Variants in JAKMIP1 observed in about 807,000 individuals in gnomAD.
JAKMIP1 encodes the protein janus kinase and microtubule-interacting protein 1.
Under a neutral mutation model 113.0 loss-of-function variants are expected in JAKMIP1, and 33 were observed. The observed-to-expected ratio is 0.29, with a 90% CI of 0.22 to 0.39. The LOEUF (loss-of-function observed/expected upper bound fraction) is 0.39. Among genes scored for constraint, JAKMIP1 ranks in the 10% least tolerant of loss-of-function variants. The probability of loss-of-function intolerance (pLI) is 1.00; values close to 1 mark genes in which losing one functional copy is unlikely to be tolerated. For missense variants in JAKMIP1, 813 were observed against 1,080.5 expected (o/e 0.75, Z 3.47); for synonymous variants, 480 against 459.9 (o/e 1.04, Z -0.56).
chr4:6,102,647 G>C (rs761403643), intron 3 of JAKMIP1, among the ~76,000 whole-genome samples: 1 of 150,564 alleles, frequency 6.6e-6, no homozygotes, highest in Non-Finnish European at 1.5e-5. Context: ...ACTAAAACAG[G>C]TGTCTTGGGT....
At position 6,086,027 on chromosome 4, in the gene JAKMIP1, A is replaced by G. The variant is rs1358549508; in HGVS notation, c.625-398T>C. ...GACCATGTCTCCCTCTCAGTCATTGACCCTCTCCTGCCTGGCCACAACTCC... is the reference window on the plus strand; with the variant it reads ...GACCATGTCTCCCTCTCAGTCATTGGCCCTCTCCTGCCTGGCCACAACTCC... On this transcript the variant is annotated intron_variant, in intron 3 of 20. Coordinates refer to ENST00000409021, the MANE Select transcript of JAKMIP1 (RefSeq NM_001099433.2). The surrounding 1 kb of genome is among the most constrained non-coding windows in gnomAD (Gnocchi z 4.1). 6.6e-6 allele frequency among the ~76,000 whole-genome samples: 1 copy of G among 151,380 alleles called. No homozygotes were observed. Among genetic ancestry groups the G allele is most frequent in the African/African-American group, 2.4e-5 (1 of 41,122 alleles).
chr4:6,169,133 A>T (rs2109016197), intron 1 of JAKMIP1, among the ~76,000 whole-genome samples: 1 of 152,296 alleles, frequency 6.6e-6, no homozygotes, highest in South Asian at 2.1e-4. Context: ...TAGTACATGA[A>T]TTATATCTCA....
chr4:6,190,751 C>G (rs1396280985), intron 1 of JAKMIP1, among the ~76,000 whole-genome samples: 2 of 152,264 alleles, frequency 1.3e-5, no homozygotes, highest in African/African-American at 2.4e-5. Flanking sequence ...GGAACAAGCA[C>G]ACACACCCAG....
Position 6,121,278 on chromosome 4 carries a change from C to G in JAKMIP1, c.-147-8281G>C, listed in dbSNP as rs148143816. 1.6e-3 allele frequency among the ~76,000 whole-genome samples: 237 copies of G among 151,602 alleles called. 1 individual carries two copies. Among genetic ancestry groups the G allele is most frequent in the African/African-American group, 5.3e-3 (217 of 41,332 alleles). On this transcript the variant is annotated intron_variant, in intron 1 of 20. Transcript: ENST00000409021. ...TCACTGGCATGTGCTGCCAGATTTGCCAACAATGTCCATAGCTTGACCCAG... is the reference window on the plus strand; with the variant it reads ...TCACTGGCATGTGCTGCCAGATTTGGCAACAATGTCCATAGCTTGACCCAG...
chr4:6,093,699 C>G lies in JAKMIP1; in HGVS notation c.625-8070G>C, dbSNP rs1281495650. 1.3e-5 allele frequency among the ~76,000 whole-genome samples: 2 copies of G among 152,292 alleles called. No individual in the cohort carries two copies. Among genetic ancestry groups the G allele is most frequent in the Admixed American group, 1.3e-4 (2 of 15,296 alleles). Reference sequence around the variant, plus strand: ...TTACAATGAATGATGTCCACCTGTACAGGGAGGTGTGGCTGCCGTGCCCTG... The same window carrying G: ...TTACAATGAATGATGTCCACCTGTAGAGGGAGGTGTGGCTGCCGTGCCCTG... On this transcript the variant is annotated intron_variant, in intron 3 of 20. Transcript: ENST00000409021. The surrounding 1 kb of genome is among the most constrained non-coding windows in gnomAD (Gnocchi z 4.6).
intron 1 of JAKMIP1, among the ~76,000 whole-genome samples, chr4:6,160,945 TCTCCCCTGACCTCCACTCAC>T (rs1722837146): frequency 8.6e-6 from 1 of 116,312 alleles, no homozygotes; most frequent in Non-Finnish European, 1.7e-5. Context: ...TCTCCACTTA[TCTCCCCTGACCTCCACTCAC>T]CTCCCTGACC....
intron 1 of JAKMIP1, among the ~76,000 whole-genome samples, chr4:6,160,081 A>G (rs1011739016): frequency 6.6e-6 from 1 of 152,208 alleles, no homozygotes; most frequent in Admixed American, 6.5e-5. Context: ...GAGTTCTTAG[A>G]AAGAGAAGGT....
chr4:6,073,191 T>C (rs975044821), intron 8 of JAKMIP1, among the ~76,000 whole-genome samples: 1 of 150,008 alleles, frequency 6.7e-6, no homozygotes, highest in African/African-American at 2.5e-5. Flanking sequence ...GCCTCAGGGG[T>C]GTCCTTCCCT....
intron 1 of JAKMIP1, among the ~76,000 whole-genome samples, chr4:6,113,468 A>C (rs1360620451): frequency 2.0e-5 from 3 of 152,186 alleles, no homozygotes. Context: ...GCAATTCTGG[A>C]GCAGGGCGTG....
intron 1 of JAKMIP1, among the ~76,000 whole-genome samples, chr4:6,130,647 C>T (rs1270293381): frequency 6.6e-6 from 1 of 151,868 alleles, no homozygotes; most frequent in Non-Finnish European, 1.5e-5. Flanking sequence ...AGACAACATG[C>T]AAAACCAGAT....
At chr4:6,028,946 G>A (rs779266102) in intron 20 of JAKMIP1, among the ~76,000 whole-genome samples, 7 of 152,222 alleles carry the variant, frequency 4.6e-5, no homozygotes, top group Non-Finnish European at 1.0e-4. Flanking sequence ...TGTCTTGAAT[G>A]AAGAGATGCA....
rs77710155 is a variant in JAKMIP1, at chr4:6,088,269, G to A, written c.625-2640C>T. Reference sequence around the variant, plus strand: ...TGATTGAGAGTGATTTGTGCTATGAGGGGGAAAAAAAACAATAACAACATC... The same window carrying A: ...TGATTGAGAGTGATTTGTGCTATGAAGGGGAAAAAAAACAATAACAACATC... On this transcript the variant is annotated intron_variant, in intron 3 of 20. Transcript: ENST00000409021. This position sits in a 1 kb window ranked among gnomAD's most constrained non-coding sequence, Gnocchi z 5.5. Among the ~76,000 whole-genome samples, 6 of 152,076 alleles carry A rather than the reference G, an allele frequency of 3.9e-5. No homozygotes were observed. The highest frequency in any genetic ancestry group is 1.4e-4 in the African/African-American group (6 of 41,398).
At chr4:6,035,599 G>T (rs887512087) in intron 19 of JAKMIP1, among the ~76,000 whole-genome samples, 2 of 152,164 alleles carry the variant, frequency 1.3e-5, no homozygotes, top group African/African-American at 4.8e-5. Context: ...ATGCCTCCCC[G>T]TAACCAGCAT....
Position 6,156,844 on chromosome 4 carries a change from T to C in JAKMIP1, c.-148+43409A>G, listed in dbSNP as rs1722290390. ...GGACATGGTCTGCCCATGATAGGTG[T>C]TGGTCACGTTACAATTGTTCAGTAG... On this transcript the variant is annotated intron_variant, in intron 1 of 20. Transcript: ENST00000409021. The surrounding 1 kb of genome is among the most constrained non-coding windows in gnomAD (Gnocchi z 5.0). Among the ~76,000 whole-genome samples the C allele has an allele frequency of 6.6e-6, 1 of 152,220 alleles. No individual in the cohort carries two copies. Among genetic ancestry groups the C allele is most frequent in the Non-Finnish European group, 1.5e-5 (1 of 68,036 alleles).
rs1382880358 is a variant in JAKMIP1, at chr4:6,050,622, G to C, written c.1864C>G (p.His622Asp). Residue 622 changes from histidine to aspartate, a missense_variant, in exon 14 of 21, where the codon CAC (histidine) becomes GAC (aspartate). This residue lies in a region of JAKMIP1 where 273 missense variants were observed against 426.6 expected (regional missense o/e 0.64). Transcript: ENST00000409021. This position sits in a 1 kb window ranked among gnomAD's most constrained non-coding sequence, Gnocchi z 7.4. ...NLQITTFPEN[H>D]SSALQLFCHQ... ...CAGAACAGCTGGAGAGCGCTGCTGT[G>C]GTTCTCGGGGAAGGTGGTGATTTGG... The C allele has an allele frequency of 6.3e-7, 1 of 1,576,784 alleles. No individual in the cohort carries two copies. Among genetic ancestry groups the C allele is most frequent in the Non-Finnish European group, 8.6e-7 (1 of 1,160,766 alleles).
intron 1 of JAKMIP1, among the ~76,000 whole-genome samples, chr4:6,170,207 G>A (rs1724266538): frequency 8.8e-6 from 1 of 113,504 alleles, no homozygotes; most frequent in Non-Finnish European, 1.8e-5. Context: ...CACCATCATT[G>A]TCAAGACCAT....
Position 6,059,698 on chromosome 4 carries a change from T to C in JAKMIP1, c.1644+726A>G, listed in dbSNP as rs531681375. Among the ~76,000 whole-genome samples the C allele has an allele frequency of 1.3e-5, 2 of 152,018 alleles. No homozygotes were observed. The highest frequency in any genetic ancestry group is 2.4e-5 in the African/African-American group (1 of 41,466). On this transcript the variant is annotated intron_variant, in intron 11 of 20. Coordinates refer to ENST00000409021, the MANE Select transcript of JAKMIP1 (RefSeq NM_001099433.2). This position sits in a 1 kb window ranked among gnomAD's most constrained non-coding sequence, Gnocchi z 4.8. ...CCTCCCTGAATCCCTGAGAGGCCCT[T>C]GGGAGAAACAGGAGTGTGAACAGAA... is the stretch of plus-strand genomic sequence containing the variant.
intron 1 of JAKMIP1, among the ~76,000 whole-genome samples, chr4:6,159,210 C>T (rs915912708): frequency 6.6e-6 from 1 of 152,038 alleles, no homozygotes; most frequent in Admixed American, 6.6e-5. Context: ...AACTGGATAG[C>T]CACCTACAGC....
In JAKMIP1 at chr4:6,162,337, CA is replaced by C. The variant is rs1723072703; in HGVS notation, c.-148+37915del. Among the ~76,000 whole-genome samples the C allele has an allele frequency of 6.6e-6, 1 of 152,176 alleles. No homozygotes were observed. The highest frequency in any genetic ancestry group is 2.1e-4 in the South Asian group (1 of 4,824). Reference sequence around the variant, plus strand: ...CACTGCAGCCGAGCTTGCATCTGTGCAGCTAAGGCAGCCAGAGCCTGGGAAA... The same window carrying C: ...CACTGCAGCCGAGCTTGCATCTGTGCGCTAAGGCAGCCAGAGCCTGGGAAA... On this transcript the variant is annotated intron_variant, in intron 1 of 20. Coordinates refer to ENST00000409021, the MANE Select transcript of JAKMIP1 (RefSeq NM_001099433.2). The surrounding 1 kb of genome is among the most constrained non-coding windows in gnomAD (Gnocchi z 5.6).
Sources: allele counts gnomAD v4.1 joint callset (sites outside exome capture counted in the v4.1 genomes callset), GRCh38; gene constraint gnomAD v4.1.1; regional missense constraint gnomAD v4.1.1; non-coding constraint Gnocchi (gnomAD v3.1); transcripts MANE v1.5; gene names NCBI Gene and HGNC (gene_info 2026-07-23, HGNC 2026-07-21).